Variants in AFF3 observed in about 807,000 individuals in gnomAD.
The protein encoded by AFF3 is ALF transcription elongation factor 3.
A neutral mutation model predicts 129.7 loss-of-function variants in AFF3; 32 were observed. That is an observed-to-expected ratio of 0.25 (90% CI 0.19 to 0.33). The LOEUF (loss-of-function observed/expected upper bound fraction) is 0.33, where lower values mean the gene tolerates loss of function less well. Ranked by LOEUF, AFF3 falls within the 10% of genes least tolerant of loss-of-function variation. The pLI is 1.00. For missense variants in AFF3, 1,373 were observed against 1,592.0 expected (o/e 0.86, Z 2.34); for synonymous variants, 644 against 635.4 (o/e 1.01, Z -0.20).
chr2:99,915,547 G>A (rs931112520), intron 7 of AFF3, among the ~76,000 whole-genome samples: 3 of 152,156 alleles, frequency 2.0e-5, no homozygotes, highest in Admixed American at 6.6e-5. Flanking sequence ...AGGGCTATCC[G>A]ACGCAGGCAC....
intron 18 of AFF3, among the ~76,000 whole-genome samples, chr2:99,576,377 G>T (rs1676995735): frequency 6.6e-6 from 1 of 151,684 alleles, no homozygotes; most frequent in African/African-American, 2.4e-5. Flanking sequence ...TTAACTGGGT[G>T]TGGTAGCATG....
At chr2:100,006,553 A>G (rs1378807038) in intron 7 of AFF3, 79 bp downstream of exon 7, 1 of 1,475,574 alleles carries the variant, frequency 6.8e-7, no homozygotes, top group African/African-American at 1.4e-5. Flanking sequence ...AAAAAGAAAC[A>G]TGGAAACTGA....
At chr2:99,565,396 G>A (rs115257107) in intron 20 of AFF3, 91 bp downstream of exon 20, 36,783 of 1,518,532 alleles carry the variant, frequency 0.024, 592 homozygotes, top group Non-Finnish European at 0.03. Flanking sequence ...GGTGGGGGAT[G>A]GTGCAGGCTG....
chr2:100,071,338 A>G (rs1049081316), intron 4 of AFF3, among the ~76,000 whole-genome samples: 4 of 152,244 alleles, frequency 2.6e-5, no homozygotes, highest in South Asian at 2.1e-4. Flanking sequence ...CGAAAGTATA[A>G]AAGTGACAGG....
chr2:99,837,866 A>C (rs1219817369), intron 7 of AFF3, among the ~76,000 whole-genome samples: 1 of 152,152 alleles, frequency 6.6e-6, no homozygotes, highest in Non-Finnish European at 1.5e-5. Context: ...TAACGTGTGG[A>C]AACTGTGGCC....
At position 99,773,536 on chromosome 2, in the gene AFF3, G is replaced by C. The variant is rs373340124; in HGVS notation, c.922-21235C>G. ...CAATTCCTGGGGTTGGGGTTGAGGT[G>C]GTGGGGGTGGAGGTTGGTGTGATGG... is the stretch of plus-strand genomic sequence containing the variant. On this transcript the variant is annotated intron_variant, in intron 8 of 24. Coordinates refer to ENST00000672756, the MANE Select transcript of AFF3 (RefSeq NM_001386135.1). 8.6e-4 allele frequency among the ~76,000 whole-genome samples: 131 copies of C among 152,140 alleles called. 1 individual carries two copies. Among genetic ancestry groups the C allele is most frequent in the African/African-American group, 3.0e-3 (124 of 41,498 alleles).
At chr2:99,832,304 G>A (rs1688567262) in intron 8 of AFF3, among the ~76,000 whole-genome samples, 2 of 152,188 alleles carry the variant, frequency 1.3e-5, no homozygotes, top group Admixed American at 6.5e-5. Context: ...ATCAAAGGGC[G>A]AAGCTGTTCA....
chr2:100,006,368 G>C, intron 7 of AFF3: 1 of 355,494 alleles, frequency 2.8e-6, no homozygotes, highest in Non-Finnish European at 5.0e-6. Context: ...TCAAACTATA[G>C]TGAAGGGGAC....
intron 4 of AFF3, among the ~76,000 whole-genome samples, chr2:100,037,955 T>C (rs1381070058): frequency 1.3e-5 from 2 of 150,878 alleles, no homozygotes; most frequent in African/African-American, 4.9e-5. Flanking sequence ...GTGTTTTTAA[T>C]TTTGTTTTGG....
chr2:99,726,346 T>C (rs1032156618), intron 11 of AFF3, among the ~76,000 whole-genome samples: 1 of 152,224 alleles, frequency 6.6e-6, no homozygotes, highest in South Asian at 2.1e-4. Flanking sequence ...AAGCCTATCT[T>C]ATAATAAGAA....
intron 7 of AFF3, among the ~76,000 whole-genome samples, chr2:99,928,116 C>T (rs1576366397): frequency 6.6e-6 from 1 of 152,160 alleles, no homozygotes; most frequent in African/African-American, 2.4e-5. Context: ...AACTGTAAGT[C>T]CAATTAAACC....
intron 8 of AFF3, among the ~76,000 whole-genome samples, chr2:99,810,098 A>G (rs977448898): frequency 1.3e-5 from 2 of 152,234 alleles, no homozygotes; most frequent in Admixed American, 1.3e-4. Context: ...GGAATTTCAA[A>G]GTCTTCCTGA....
chr2:99,592,731 C>G (rs192490544), intron 15 of AFF3, among the ~76,000 whole-genome samples: 219 of 152,150 alleles, frequency 1.4e-3, no homozygotes, highest in Middle Eastern at 6.8e-3. Context: ...GTCAGGAGTT[C>G]GAGACCAGCC....
At chr2:99,757,256 C>G (rs921275744) in intron 8 of AFF3, among the ~76,000 whole-genome samples, 5 of 152,194 alleles carry the variant, frequency 3.3e-5, no homozygotes, top group African/African-American at 1.2e-4. Context: ...TAGATGTCTA[C>G]TGAGCCACTC....
At chr2:99,893,640 A>G (rs1453350796) in intron 7 of AFF3, among the ~76,000 whole-genome samples, 1 of 152,186 alleles carries the variant, frequency 6.6e-6, no homozygotes, top group Non-Finnish European at 1.5e-5. Flanking sequence ...CGGGGAAAAT[A>G]AGTTCCCCTT....
intron 7 of AFF3, among the ~76,000 whole-genome samples, chr2:99,959,110 A>C (rs1471717020): frequency 6.6e-6 from 1 of 152,036 alleles, no homozygotes; most frequent in East Asian, 1.9e-4. Flanking sequence ...TAAATAAATA[A>C]AGGAGAGGAC....
intron 4 of AFF3, among the ~76,000 whole-genome samples, chr2:100,077,315 C>T (rs1688661360): frequency 6.6e-6 from 1 of 152,130 alleles, no homozygotes; most frequent in South Asian, 2.1e-4. Context: ...CGCTAAGGCC[C>T]TTCTAAGCAA....
chr2:99,682,966 G>T (rs1217897925), intron 11 of AFF3, among the ~76,000 whole-genome samples: 1 of 152,198 alleles, frequency 6.6e-6, no homozygotes, highest in Non-Finnish European at 1.5e-5. Context: ...TGTTATTCTT[G>T]CATTTATTGA....
intron 13 of AFF3, among the ~76,000 whole-genome samples, chr2:99,616,007 C>A (rs182485675): frequency 6.6e-6 from 1 of 152,298 alleles, no homozygotes; most frequent in East Asian, 1.9e-4. Context: ...TCTTTCTAGC[C>A]CTAATCTCAG....
Sources: allele counts gnomAD v4.1 joint callset (sites outside exome capture counted in the v4.1 genomes callset), GRCh38; gene constraint gnomAD v4.1.1; transcripts MANE v1.5; gene names NCBI Gene and HGNC (gene_info 2026-07-23, HGNC 2026-07-21).